The following SLC9A6 variants were observed in gnomAD, a reference collection of about 807,000 sequenced individuals.
SLC9A6 encodes sodium/hydrogen exchanger 6.
In SLC9A6, 6 loss-of-function variants were observed where a neutral mutation model predicts 45.3. The observed-to-expected ratio is 0.13, with a 90% CI of 0.07 to 0.26. The LOEUF is 0.26. Among genes scored for constraint, SLC9A6 ranks in the 10% least tolerant of loss-of-function variants. The pLI, the probability that SLC9A6 is intolerant of heterozygous loss-of-function variation, is 1.00. For synonymous variants in SLC9A6, 191 were observed against 187.7 expected, an observed-to-expected ratio of 1.02 and a Z score of -0.14; for missense variants, 278 against 503.7, an observed-to-expected ratio of 0.55 and a Z score of 4.29.
chrX:136,044,474 A>G lies in SLC9A6; in HGVS notation c.1790A>G (p.Asp597Gly). Reference sequence around the variant, plus strand: ...TAGAACCAGGAACAGTTGAAAGATGATGATTCTGATCTTATTCTCAATGAT... The same window carrying G: ...TAGAACCAGGAACAGTTGAAAGATGGTGATTCTGATCTTATTCTCAATGAT... ...AYENQEQLKD[D>G]DSDLILNDGD... Residue 597 changes from aspartate to glycine, a missense_variant, in exon 18 of 18, where the codon GAT becomes GGT. Transcript: ENST00000630721. The G allele has an allele frequency of 8.3e-7, 1 of 1,207,242 alleles. No homozygotes were observed. The highest frequency in any genetic ancestry group is 1.1e-6 in the Non-Finnish European group (1 of 891,339).
At chrX:136,042,473 T>C (rs1479707239) in intron 17 of SLC9A6, among the ~76,000 whole-genome samples, 2 of 112,253 alleles carry the variant, frequency 1.8e-5, no homozygotes, top group Non-Finnish European at 3.8e-5. Flanking sequence ...CCACTGCACC[T>C]GGCCCAAACG....
intron 11 of SLC9A6, among the ~76,000 whole-genome samples, chrX:136,017,039 G>A (rs2148179498): frequency 9.0e-6 from 1 of 111,472 alleles, no homozygotes; most frequent in African/African-American, 3.3e-5. Context: ...ATTACTACAG[G>A]GAAGGAGAGG....
At chrX:136,041,827 C>T (rs1233071902) in intron 17 of SLC9A6, among the ~76,000 whole-genome samples, 1 of 111,932 alleles carries the variant, frequency 8.9e-6, no homozygotes, top group East Asian at 2.8e-4. Context: ...AGTTGTTGGC[C>T]GGGTCAGTTC....
rs781936528 is a variant in SLC9A6 at position 136,017,357 on chromosome X, G to A, written c.1194+599G>A. 4.6e-5 allele frequency among the ~76,000 whole-genome samples: 5 copies of A among 108,835 alleles called. No homozygotes were observed. The East Asian group carries it at 1.4e-3, about 32-fold the overall frequency. The allele number at this position is 108,835 out of a possible 115,157, so 94.5% of individuals were successfully genotyped here. A position where few individuals can be genotyped will look rare whatever the true frequency, so the allele number is the denominator to read the frequency against. On this transcript the variant is annotated intron_variant, in intron 11 of 17. Coordinates refer to ENST00000630721, the MANE Select transcript of SLC9A6 (RefSeq NM_001379110.1). ...CCCTTGAGCCTAGGAGTTTGAGGCT[G>A]CAGTGAGCTGTGATTGGGTCACTGC...
At chrX:136,041,945 C>G in intron 17 of SLC9A6, among the ~76,000 whole-genome samples, 1 of 110,777 alleles carries the variant, frequency 9.0e-6, no homozygotes, top group Admixed American at 9.6e-5. Flanking sequence ...CTATGTATCT[C>G]TACTTTCATC....
chrX:135,996,442 A>C (rs2089498142), intron 3 of SLC9A6, among the ~76,000 whole-genome samples: 1 of 111,659 alleles, frequency 9.0e-6, no homozygotes, highest in Non-Finnish European at 1.9e-5. Context: ...ATTCCTTAAA[A>C]GTTCTAGTTA....
In SLC9A6 at chrX:136,028,265, C is replaced by T. The variant is rs868954200; in HGVS notation, c.1461-621C>T. 2.7e-5 allele frequency among the ~76,000 whole-genome samples: 3 copies of T among 112,039 alleles called. No homozygotes were observed. In the South Asian group the frequency reaches 1.1e-3, roughly 42 times the overall value. ...TGTGGTGGATATTAGCCCCATTTTC[C>T]AGGTGATAAAGTGATGATTTATAAG... On this transcript the variant is annotated intron_variant, in intron 13 of 17. Transcript: ENST00000630721.
chrX:136,043,987 TACAC>T (rs782509970), intron 17 of SLC9A6, among the ~76,000 whole-genome samples: 2 of 111,715 alleles, frequency 1.8e-5, no homozygotes, highest in Non-Finnish European at 3.8e-5. Context: ...GGCAGATTGA[TACAC>T]ACACAGTTAT....
chrX:136,016,302 T>A (rs1181664697), intron 10 of SLC9A6, among the ~76,000 whole-genome samples: 1 of 110,392 alleles, frequency 9.1e-6, no homozygotes, highest in East Asian at 2.8e-4. Context: ...AGAGGTCCTT[T>A]CTCATCATTA....
intron 10 of SLC9A6, among the ~76,000 whole-genome samples, chrX:136,015,035 C>T (rs1316985775): frequency 8.9e-6 from 1 of 112,515 alleles, no homozygotes; most frequent in African/African-American, 3.2e-5. Flanking sequence ...CAGATAAAGG[C>T]AGGAATAAAA....
chrX:136,018,704 G>A (rs1281741690), intron 11 of SLC9A6, among the ~76,000 whole-genome samples: 1 of 111,135 alleles, frequency 9.0e-6, no homozygotes, highest in Non-Finnish European at 1.9e-5. Context: ...TGGTCAGTGG[G>A]AATGTTTGAA....
intron 11 of SLC9A6, among the ~76,000 whole-genome samples, chrX:136,019,019 A>C (rs1380433327): frequency 1.8e-5 from 2 of 111,377 alleles, no homozygotes; most frequent in African/African-American, 6.5e-5. Flanking sequence ...CACTATACTT[A>C]GTCTGGAAAC....
upstream of SLC9A6, among the ~76,000 whole-genome samples, chrX:135,983,196 G>T (rs909227411): frequency 1.8e-5 from 2 of 111,653 alleles, no homozygotes; most frequent in Admixed American, 9.5e-5. Flanking sequence ...CTGATGCAGG[G>T]TGTGAGTTGT....
chrX:136,023,223 A>G (rs990196402), intron 12 of SLC9A6, among the ~76,000 whole-genome samples: 12 of 61,451 alleles, frequency 2.0e-4, no homozygotes, highest in African/African-American at 6.1e-4. Context: ...ATATATATAT[A>G]GTGTCCCATT....
At chrX:135,990,825 G>A (rs1556615613) in intron 2 of SLC9A6, among the ~76,000 whole-genome samples, 1 of 111,550 alleles carries the variant, frequency 9.0e-6, no homozygotes, top group Non-Finnish European at 1.9e-5. Context: ...TTGGGCTTGG[G>A]GACATGGAAG....
intron 17 of SLC9A6, among the ~76,000 whole-genome samples, chrX:136,043,632 C>T (rs2071550298): frequency 8.9e-6 from 1 of 111,875 alleles, no homozygotes; most frequent in Admixed American, 9.5e-5. Context: ...GAAAAAATGA[C>T]TTGTTCTGTT....
At chrX:135,975,482 A>G (rs1423585573) in intron 1 of SLC9A6, among the ~76,000 whole-genome samples, 1 of 112,190 alleles carries the variant, frequency 8.9e-6, no homozygotes. Context: ...AACATACTAT[A>G]TAATTTAACT....
rs1413198829 is a variant in SLC9A6 at position 136,044,751 on chromosome X, G to A, written c.*27G>A. 2 of 1,197,215 alleles carry A rather than the reference G, an allele frequency of 1.7e-6. No homozygotes were observed. Among genetic ancestry groups the A allele is most frequent in the African/African-American group, 3.5e-5 (2 of 56,953 alleles). ...CTTACTAATACTCACTTAGTGATTTGTAAAATTTGCACATGTGATTGTGAA... is the reference window on the plus strand; with the variant it reads ...CTTACTAATACTCACTTAGTGATTTATAAAATTTGCACATGTGATTGTGAA... On this transcript the variant is annotated 3_prime_UTR_variant, in exon 18 of 18. Coordinates refer to ENST00000630721, the MANE Select transcript of SLC9A6 (RefSeq NM_001379110.1).
At chrX:136,005,927 CTT>C (rs1380067288) in intron 7 of SLC9A6, among the ~76,000 whole-genome samples, 1 of 111,486 alleles carries the variant, frequency 9.0e-6, no homozygotes, top group African/African-American at 3.3e-5. Flanking sequence ...AGGACTGTAT[CTT>C]GAGAGGAACA....
Sources: gnomAD v4.1 joint callset for allele counts (sites outside exome capture counted in the v4.1 genomes callset) on GRCh38, gnomAD v4.1.1 for gene constraint, MANE v1.5 for transcripts, NCBI Gene and HGNC (gene_info 2026-07-23, HGNC 2026-07-21) for gene names.